Variants in GCNT2 observed in about 807,000 individuals in gnomAD.
The protein encoded by GCNT2 is N-acetyllactosaminide beta-1,6-N-acetylglucosaminyl-transferase.
A neutral mutation model predicts 34.2 loss-of-function variants in GCNT2; 34 were observed. The observed-to-expected ratio is 1.00, with a 90% CI of 0.76 to 1.32. The LOEUF is 1.32. GCNT2 is among the 40% of genes most tolerant of loss of function. The pLI is 0.00. For missense variants in GCNT2, 584 were observed against 489.4 expected, an observed-to-expected ratio of 1.19 and a Z score of -1.82; for synonymous variants, 212 against 188.0, an observed-to-expected ratio of 1.13 and a Z score of -1.04.
intron 3 of GCNT2, among the ~76,000 whole-genome samples, chr6:10,543,183 C>T (rs1323819233): frequency 6.6e-6 from 1 of 151,862 alleles, no homozygotes; most frequent in Non-Finnish European, 1.5e-5. Context: ...GCTAGGATTA[C>T]AGGAGTGAGC....
intron 1 of GCNT2, among the ~76,000 whole-genome samples, chr6:10,526,361 C>T (rs1761185591): frequency 6.6e-6 from 1 of 152,134 alleles, no homozygotes; most frequent in South Asian, 2.1e-4. Flanking sequence ...TCATCATTTC[C>T]TGTGTTCCTG....
intron 3 of GCNT2, among the ~76,000 whole-genome samples, chr6:10,539,356 A>G (rs985024785): frequency 2.0e-5 from 3 of 151,224 alleles, no homozygotes; most frequent in African/African-American, 7.3e-5. Context: ...CGCCTGGCAA[A>G]TTTTGTATTT....
chr6:10,569,885 T>C (rs569396710), intron 3 of GCNT2, among the ~76,000 whole-genome samples: 17 of 151,300 alleles, frequency 1.1e-4, no homozygotes, highest in Admixed American at 4.6e-4. Flanking sequence ...TTCTCTTTCT[T>C]TTTCTTTCTT....
intron 3 of GCNT2, among the ~76,000 whole-genome samples, chr6:10,601,037 C>T (rs1209172335): frequency 2.0e-5 from 3 of 152,288 alleles, no homozygotes; most frequent in African/African-American, 7.2e-5. Flanking sequence ...AGCAATTCAC[C>T]TGCCTTGGCC....
At chr6:10,563,777 AATATATAT>A (rs70991026) in intron 3 of GCNT2, among the ~76,000 whole-genome samples, 161 of 24,656 alleles carry the variant, frequency 6.5e-3, no homozygotes, top group African/African-American at 9.7e-3. Context: ...AAAAAAAAAA[AATATATAT>A]ATATATATAT....
chr6:10,552,767 A>G (rs779226537), intron 3 of GCNT2, among the ~76,000 whole-genome samples: 2 of 152,180 alleles, frequency 1.3e-5, no homozygotes, highest in Non-Finnish European at 2.9e-5. Flanking sequence ...AGCATTCTCT[A>G]CTTTTTCATG....
chr6:10,531,040 C>CAAAAAAAA (rs568195630), intron 3 of GCNT2, among the ~76,000 whole-genome samples: 1 of 95,798 alleles, frequency 1.0e-5, no homozygotes, highest in Non-Finnish European at 2.1e-5. Context: ...GACTCTGTCT[C>CAAAAAAAA]AAAAAAAAAA....
chr6:10,615,727 T>G (rs573760828), intron 3 of GCNT2, among the ~76,000 whole-genome samples: 68 of 152,320 alleles, frequency 4.5e-4, no homozygotes, highest in African/African-American at 1.6e-3. Context: ...CCCCGAGGGC[T>G]GCTGGTTGCC....
chr6:10,593,831 C>T (rs553012216), intron 3 of GCNT2, among the ~76,000 whole-genome samples: 1 of 152,274 alleles, frequency 6.6e-6, no homozygotes, highest in Admixed American at 6.5e-5. Flanking sequence ...TTACACAATA[C>T]AAAAGCATCT....
intron 3 of GCNT2, chr6:10,586,094 G>A: frequency 6.2e-7 from 1 of 1,614,180 alleles, no homozygotes; most frequent in African/African-American, 1.3e-5. Context: ...GTTATGAGAA[G>A]CTGAACAGTT....
chr6:10,616,801 A>G (rs1368321846), intron 3 of GCNT2, among the ~76,000 whole-genome samples: 1 of 149,876 alleles, frequency 6.7e-6, no homozygotes, highest in Non-Finnish European at 1.5e-5. Context: ...AGTTTCTCCA[A>G]GACCCAACCA....
chr6:10,614,074 CAAATT>C (rs965078065), intron 3 of GCNT2, among the ~76,000 whole-genome samples: 13 of 152,110 alleles, frequency 8.5e-5, no homozygotes, highest in African/African-American at 2.9e-4. Context: ...CAGCCCAAGC[CAAATT>C]AAATTACTTA....
At position 10,627,703 on chromosome 6, in the gene GCNT2, T is replaced by C. The variant is rs1190903342; in HGVS notation, c.*1096T>C. The C allele has an allele frequency of 6.6e-6, 1 of 152,220 alleles. No individual in the cohort carries two copies. Among genetic ancestry groups the C allele is most frequent in the African/African-American group, 2.4e-5 (1 of 41,452 alleles). The allele number at this position is 152,220 out of a possible 1,614,324, so 9.4% of individuals were successfully genotyped here. On this transcript the variant is annotated 3_prime_UTR_variant, in exon 5 of 5. Coordinates refer to ENST00000495262, the MANE Select transcript of GCNT2 (RefSeq NM_145649.5). ...ACAAAAAGGAAACATAAGAGCTTTT[T>C]CACTCTAAAAATCTTGGCAATAATG... is the stretch of plus-strand genomic sequence containing the variant.
At chr6:10,553,150 G>A (rs182311195) in intron 3 of GCNT2, among the ~76,000 whole-genome samples, 1 of 152,330 alleles carries the variant, frequency 6.6e-6, no homozygotes, top group East Asian at 1.9e-4. Flanking sequence ...AATTATGAGG[G>A]TGTAATGAAG....
intron 3 of GCNT2, among the ~76,000 whole-genome samples, chr6:10,605,615 C>A (rs572408434): frequency 2.0e-5 from 3 of 152,146 alleles, no homozygotes; most frequent in South Asian, 4.2e-4. Context: ...TAAAAAGTTC[C>A]ATAGATGATT....
At chr6:10,609,324 A>G (rs1164586867) in intron 3 of GCNT2, among the ~76,000 whole-genome samples, 1 of 152,230 alleles carries the variant, frequency 6.6e-6, no homozygotes, top group East Asian at 1.9e-4. Flanking sequence ...GAGAGCACAT[A>G]AGAGTGAGAA....
intron 4 of GCNT2, 76 bp downstream of exon 4, chr6:10,621,519 C>T (rs1581495204): frequency 4.4e-6 from 4 of 905,320 alleles, no homozygotes; most frequent in South Asian, 1.4e-5. Context: ...ATCCAGGGTT[C>T]TCATGGAGAG....
At chr6:10,532,726 C>T (rs1041119777) in intron 3 of GCNT2, among the ~76,000 whole-genome samples, 1 of 152,136 alleles carries the variant, frequency 6.6e-6, no homozygotes, top group African/African-American at 2.4e-5. Context: ...GCCTCAGCCT[C>T]GTGAGCCACC....
chr6:10,617,775 C>G (rs2182045), intron 3 of GCNT2, among the ~76,000 whole-genome samples: 79,796 of 127,692 alleles, frequency 0.62, 23,584 homozygotes, highest in African/African-American at 0.68. Flanking sequence ...TTTTTTTTGA[C>G]ACAGGGTCTC....
Sources: allele counts gnomAD v4.1 joint callset (sites outside exome capture counted in the v4.1 genomes callset), GRCh38; gene constraint gnomAD v4.1.1; transcripts MANE v1.5; gene names NCBI Gene and HGNC (gene_info 2026-07-23, HGNC 2026-07-21).